The following AKAP3 variants were observed in gnomAD, a reference collection of about 807,000 sequenced individuals.
AKAP3 encodes A-kinase anchoring protein 3, also known as A-kinase anchor protein 3.
AKAP3 carries 27 observed loss-of-function variants against 57.2 expected under a neutral mutation model. That is an observed-to-expected ratio of 0.47 (90% confidence interval 0.35 to 0.65). The LOEUF (loss-of-function observed/expected upper bound fraction) is 0.65. Ranked by LOEUF, AKAP3 falls within the 30% of genes least tolerant of loss-of-function variation. AKAP3 has a pLI of 0.01. For synonymous variants in AKAP3, 334 were observed against 392.3 expected (o/e 0.85, Z 1.76); for missense variants, 959 against 1,040.0 (o/e 0.92, Z 1.07).
chr12:4,624,671 AT>A (rs1293460270), intron 5 of AKAP3, among the ~76,000 whole-genome samples: 1 of 152,084 alleles, frequency 6.6e-6, no homozygotes, highest in African/African-American at 2.4e-5. Context: ...TGTCTATGTC[AT>A]CCCTGTTCTT....
intron 4 of AKAP3, among the ~76,000 whole-genome samples, chr12:4,636,802 C>T (rs1945571565): frequency 1.3e-5 from 2 of 152,076 alleles, no homozygotes; most frequent in South Asian, 4.2e-4. Context: ...CAGGCTGGAG[C>T]TCAGTGGCAT....
intron 5 of AKAP3, among the ~76,000 whole-genome samples, chr12:4,621,946 A>G (rs915699539): frequency 2.0e-5 from 3 of 152,208 alleles, no homozygotes; most frequent in Non-Finnish European, 4.4e-5. Context: ...AAACATTTGT[A>G]TTTAATATCA....
At chr12:4,635,925 A>G (rs900287251) in intron 4 of AKAP3, 6 of 801,088 alleles carry the variant, frequency 7.5e-6, no homozygotes, top group African/African-American at 1.7e-5. Context: ...TTCCATCACC[A>G]ACACTAGCAG....
At chr12:4,620,360 C>T (rs531768041) in intron 5 of AKAP3, among the ~76,000 whole-genome samples, 86 of 151,322 alleles carry the variant, frequency 5.7e-4, no homozygotes, top group African/African-American at 1.8e-3. Flanking sequence ...ACCTGTAATC[C>T]CAGCTACTTG....
rs757615855 is a variant in AKAP3, at chr12:4,627,195, A to G, written c.1707T>C (p.Asp569=). 1 of 1,614,028 alleles carries G rather than the reference A, an allele frequency of 6.2e-7. No homozygotes were observed. The highest frequency in any genetic ancestry group is 1.3e-5 in the African/African-American group (1 of 74,902). The change falls in exon 5 of 6, where the codon GAT becomes GAC. Residue 569 remains aspartate (D), a synonymous_variant. Transcript: ENST00000228850. ...TGGGAGCAGACTTAAGGCAAGATTC[A>G]TCGGGAGCTACAGGAGGTTCATTGG... The part of the protein sequence containing the change: ...FPANEPPVAP[D]ESCLKSAPIV...
chr12:4,628,680 T>C lies in AKAP3; in HGVS notation c.222A>G (p.Ser74=), dbSNP rs1945459742. 7 of 1,614,104 alleles carry C rather than the reference T, an allele frequency of 4.3e-6. No homozygotes were observed. Among genetic ancestry groups the C allele is most frequent in the Middle Eastern group, 1.6e-4 (1 of 6,062 alleles). The stretch of plus-strand genomic sequence containing the variant: ...CAGAGAAACCTTTGTGTGGGTCTCC[T>C]GAGTTGGACGTTTCCCCACCAAATG... ...GESFGGETSN[S]GDPHKGFSVD... Residue 74 remains serine (S), a synonymous_variant, in exon 5 of 6, where the codon TCA becomes TCG. Transcript: ENST00000228850.
At position 4,615,638 on chromosome 12, in the gene AKAP3, C is replaced by A; in HGVS notation, c.*101G>T. 1.4e-6 allele frequency: 2 copies of A among 1,398,084 alleles called. No individual in the cohort carries two copies. The highest frequency in any genetic ancestry group is 9.8e-7 in the Non-Finnish European group (1 of 1,018,936). The allele number at this position is 1,398,084 out of a possible 1,614,324, so 86.6% of individuals were successfully genotyped here. The stretch of plus-strand genomic sequence containing the variant: ...GAGTGGTGTGAAGATAATGTTAGGG[C>A]TCTGTGAGGATATAGAGGGGGAGAT... On this transcript the variant is annotated 3_prime_UTR_variant, in exon 6 of 6. Coordinates refer to ENST00000228850, the MANE Select transcript of AKAP3 (RefSeq NM_001278309.2).
At chr12:4,644,672 G>A (rs140496952) in intron 2 of AKAP3, among the ~76,000 whole-genome samples, 6 of 152,366 alleles carry the variant, frequency 3.9e-5, no homozygotes, top group African/African-American at 1.2e-4. Flanking sequence ...ATTACTTTGG[G>A]AGGCCGAAGT....
chr12:4,624,822 G>GTGTGTGTGTGTGTGTGTGTGTGTGTA (rs1467904888), intron 5 of AKAP3, among the ~76,000 whole-genome samples: 25 of 147,414 alleles, frequency 1.7e-4, no homozygotes, highest in African/African-American at 5.7e-4. Flanking sequence ...GTGTGTGTGT[G>GTGTGTGTGTGTGTGTGTGTGTGTGTA]TGTATATAAA....
At chr12:4,633,816 T>A (rs760456654) in intron 4 of AKAP3, among the ~76,000 whole-genome samples, 1 of 150,438 alleles carries the variant, frequency 6.6e-6, no homozygotes, top group South Asian at 2.1e-4. Context: ...ACATACCTTA[T>A]AAAATTTTCT....
At chr12:4,620,474 CAAAA>C (rs35307509) in intron 5 of AKAP3, among the ~76,000 whole-genome samples, 27 of 82,676 alleles carry the variant, frequency 3.3e-4, no homozygotes, top group African/African-American at 1.2e-3. Context: ...GAGACTGTCT[CAAAA>C]AAAAAAAAAA....
chr12:4,634,941 T>C (rs1196867372), intron 4 of AKAP3, among the ~76,000 whole-genome samples: 1 of 152,216 alleles, frequency 6.6e-6, no homozygotes, highest in Non-Finnish European at 1.5e-5. Context: ...AATCTCCTTC[T>C]ACAAAAAGAA....
intron 3 of AKAP3, among the ~76,000 whole-genome samples, chr12:4,641,342 A>C (rs1457136489): frequency 6.6e-6 from 1 of 152,008 alleles, no homozygotes; most frequent in South Asian, 2.1e-4. Flanking sequence ...CAGCCTCCCA[A>C]GTAGTTGGGA....
At chr12:4,635,869 T>G (rs1945559055) in intron 4 of AKAP3, 3 of 667,920 alleles carry the variant, frequency 4.5e-6, no homozygotes, top group Non-Finnish European at 8.1e-6. Flanking sequence ...ACGTCTATTT[T>G]CTGGCTAAGA....
Position 4,627,800 on chromosome 12 carries a change from G to C in AKAP3, c.1102C>G (p.Gln368Glu), listed in dbSNP as rs201649895. The C allele has an allele frequency of 4.3e-6, 7 of 1,614,078 alleles. No individual in the cohort carries two copies. The African/African-American group carries it at 5.3e-5, about 12-fold the overall frequency. Residue 368 changes from glutamine (Q) to glutamate (E), a missense_variant, in exon 5 of 6, where the codon CAA becomes GAA. Coordinates refer to ENST00000228850, the MANE Select transcript of AKAP3 (RefSeq NM_001278309.2). ...VKRTVFSHGS[Q>E]KATDIMDAML... is the part of the protein sequence containing the mutation. ...GCATCCATGATATCTGTGGCCTTTT[G>C]GCTTCCATGAGAGAAGACAGTTCTT... is the stretch of plus-strand genomic sequence containing the variant.
chr12:4,631,426 T>C (rs1945496603), intron 4 of AKAP3: 2 of 683,606 alleles, frequency 2.9e-6, no homozygotes, highest in Admixed American at 4.3e-5. Flanking sequence ...AAAGTGGGGC[T>C]GAAAGTTTAG....
Position 4,615,596 on chromosome 12 carries a change from T to C in AKAP3, c.*143A>G, listed in dbSNP as rs1945274169. ...GCAAAATCCAGTGGCTAGCACAAGA[T>C]GACATGTCTTTGATGAGAGTGGTGT... On this transcript the variant is annotated 3_prime_UTR_variant, in exon 6 of 6. Transcript: ENST00000228850. 1 of 1,080,422 alleles carries C rather than the reference T, an allele frequency of 9.3e-7. No individual in the cohort carries two copies. The highest frequency in any genetic ancestry group is 1.3e-6 in the Non-Finnish European group (1 of 775,822). 66.9% of individuals were successfully genotyped at this position (1,080,422 alleles called of 1,614,324 possible).
At position 4,623,863 on chromosome 12, in the gene AKAP3, G is replaced by A. The variant is rs188771628; in HGVS notation, c.2406+2633C>T. On this transcript the variant is annotated intron_variant, in intron 5 of 5. Coordinates refer to ENST00000228850, the MANE Select transcript of AKAP3 (RefSeq NM_001278309.2). ...ACCCTTATTCCTAATAAGACAAAAA[G>A]TAAAGCAACTTAGCAAATTAAAAAT... Among the ~76,000 whole-genome samples, 727 of 152,278 alleles carry A rather than the reference G, an allele frequency of 4.8e-3. 2 individuals carry two copies. The highest frequency in any genetic ancestry group is 8.1e-3 in the Non-Finnish European group (551 of 68,006).
In AKAP3 at chr12:4,638,117, G is replaced by A; in HGVS notation, c.80C>T (p.Ala27Val). ...GACCCTTACCATTTTCCAGTCCTGG[G>A]CTTGGTTGTCTCCAGGAGAATAGAC... ...VDVYSPGDNQ[A>V]QDWKMDTSTD... is the part of the protein sequence containing the mutation. Residue 27 changes from alanine (A) to valine (V), a missense_variant, in exon 4 of 6, where the codon GCC (alanine) becomes GTC (valine). Transcript: ENST00000228850. 2 of 1,613,336 alleles carry A rather than the reference G, an allele frequency of 1.2e-6. No homozygotes were observed. Among genetic ancestry groups the A allele is most frequent in the Non-Finnish European group, 1.7e-6 (2 of 1,179,326 alleles).
Sources: allele counts gnomAD v4.1 joint callset (sites outside exome capture counted in the v4.1 genomes callset), GRCh38; gene constraint gnomAD v4.1.1; transcripts MANE v1.5; gene names NCBI Gene and HGNC (gene_info 2026-07-23, HGNC 2026-07-21).